Variants in ZPLD1 observed in about 807,000 individuals in gnomAD.
The protein encoded by ZPLD1 is zona pellucida like domain containing 1, also known as zona pellucida-like domain-containing protein 1.
A neutral mutation model predicts 47.2 loss-of-function variants in ZPLD1; 34 were observed. That is an observed-to-expected ratio of 0.72 (90% CI 0.55 to 0.96). The LOEUF is 0.96. Among genes scored for constraint, ZPLD1 ranks in the 40% least tolerant of loss-of-function variants. The probability of loss-of-function intolerance (pLI) is 0.00; values close to 1 mark genes in which losing one functional copy is unlikely to be tolerated. For missense variants in ZPLD1, 512 were observed against 505.8 expected (o/e 1.01, Z -0.12); for synonymous variants, 176 against 186.2 (o/e 0.95, Z 0.45).
chr3:102,418,456 G>A (rs1204900861), intron 8 of ZPLD1, among the ~76,000 whole-genome samples: 1 of 151,932 alleles, frequency 6.6e-6, no homozygotes, highest in Non-Finnish European at 1.5e-5. Context: ...AAACAAAATT[G>A]TATTTTGTAA....
rs932131313 is a variant in ZPLD1 at position 102,422,754 on chromosome 3, G to T, written c.-9+4547G>T. Among the ~76,000 whole-genome samples the T allele has an allele frequency of 3.3e-5, 5 of 152,054 alleles. No homozygotes were observed. In the South Asian group the frequency reaches 8.3e-4, roughly 25 times the overall value. On this transcript the variant is annotated intron_variant, in intron 8 of 17. Coordinates refer to the ZPLD1 transcript ENST00000491959. ...TTATTGAATTTGGGAACTGTAGCAA[G>T]TCTAGAGTGGATATGATGGGCATAG...
intron 7 of ZPLD1, among the ~76,000 whole-genome samples, chr3:102,412,644 T>C (rs866087512): frequency 9.2e-5 from 14 of 151,870 alleles, no homozygotes; most frequent in Middle Eastern, 3.4e-3. Context: ...AATAAGTAAC[T>C]ATAACAGAAA....
intron 7 of ZPLD1, 69 bp from the exon 8 acceptor site, chr3:102,464,102 C>T (rs771311409): frequency 9.6e-7 from 1 of 1,036,638 alleles, no homozygotes; most frequent in Non-Finnish European, 1.5e-6. Flanking sequence ...TATTTACTTC[C>T]CTTGTATTAG....
chr3:102,463,940 C>T (rs1707549741), intron 7 of ZPLD1, among the ~76,000 whole-genome samples: 1 of 150,812 alleles, frequency 6.6e-6, no homozygotes, highest in Non-Finnish European at 1.5e-5. Flanking sequence ...GTCCCAGCTA[C>T]TCGGGAGGCT....
At chr3:102,434,929 C>A (rs1707064042), upstream of ZPLD1, 8 of 594,364 alleles carry the variant, frequency 1.3e-5, no homozygotes, top group Non-Finnish European at 2.4e-5. Context: ...ATAACCAGAT[C>A]AGAGCTAAAA....
At chr3:102,442,885 A>G (rs1475211794) in intron 3 of ZPLD1, among the ~76,000 whole-genome samples, 2 of 152,216 alleles carry the variant, frequency 1.3e-5, no homozygotes, top group East Asian at 1.9e-4. Flanking sequence ...ACTCTTGGTT[A>G]TCCAAGCTAA....
Position 102,464,253 on chromosome 3 carries a change from TAA to T in ZPLD1, c.761+3_761+4del. On this transcript the variant is annotated splice_donor_region_variant and intron_variant, in intron 8 of 11. Coordinates refer to ENST00000466937, the MANE Select transcript of ZPLD1 (RefSeq NM_001329788.2). Reference sequence around the variant, plus strand: ...CATTCGATATGATCTTTTCCTTAGGTAAGACTTAGCTGTCTAAGTATTATATT... The same window carrying T: ...CATTCGATATGATCTTTTCCTTAGGTGACTTAGCTGTCTAAGTATTATATT... The T allele has an allele frequency of 6.2e-7, 1 of 1,605,086 alleles. No homozygotes were observed. Among genetic ancestry groups the T allele is most frequent in the Non-Finnish European group, 8.5e-7 (1 of 1,171,978 alleles).
intron 7 of ZPLD1, among the ~76,000 whole-genome samples, chr3:102,410,263 A>T (rs1453334899): frequency 6.6e-6 from 1 of 151,728 alleles, no homozygotes; most frequent in African/African-American, 2.4e-5. Flanking sequence ...CCCTGAGGAC[A>T]TTTTACTTTT....
intron 8 of ZPLD1, among the ~76,000 whole-genome samples, chr3:102,423,830 G>T (rs923065135): frequency 1.3e-5 from 2 of 152,122 alleles, no homozygotes; most frequent in Non-Finnish European, 2.9e-5. Context: ...CTCTGTAATT[G>T]ATTGGTTAAC....
chr3:102,471,160 G>T (rs567597189), intron 10 of ZPLD1, among the ~76,000 whole-genome samples: 1 of 152,244 alleles, frequency 6.6e-6, no homozygotes, highest in African/African-American at 2.4e-5. Context: ...ATTTGAGTGC[G>T]CTGCAGCCTC....
intron 6 of ZPLD1, among the ~76,000 whole-genome samples, chr3:102,388,455 C>CTCTG (rs1252354867): frequency 7.4e-6 from 1 of 135,410 alleles, no homozygotes; most frequent in African/African-American, 2.7e-5. Context: ...CTCTCTCTGT[C>CTCTG]TGTGTGTGTG....
chr3:102,442,887 C>A (rs74366845), intron 3 of ZPLD1, among the ~76,000 whole-genome samples: 22,224 of 152,064 alleles, frequency 0.15, 2,075 homozygotes, highest in Middle Eastern at 0.24. Context: ...TCTTGGTTAT[C>A]CAAGCTAATA....
chr3:102,453,044 C>G lies in ZPLD1; in HGVS notation c.232C>G (p.His78Asp), dbSNP rs1289076308. ...ACTGAATGGAAGGCATGGGGACTCC[C>G]ACTGCAGAGGGTTCATCAATAACAA... ...LALNGRHGDSHCRGFINNNTF... is the reference protein window; with the variant it reads ...LALNGRHGDSDCRGFINNNTF... The change falls in exon 4 of 12, where the codon CAC (histidine) becomes GAC (aspartate). Residue 78 changes from histidine to aspartate, a missense_variant. Physicochemically the swap from His to Asp is moderately conservative, Grantham distance 81. Transcript: ENST00000466937. 3 of 1,613,952 alleles carry G rather than the reference C, an allele frequency of 1.9e-6. No individual in the cohort carries two copies. In the Admixed American group the frequency reaches 5.0e-5, roughly 27 times the overall value.
At chr3:102,448,255 A>G (rs1428734326) in intron 3 of ZPLD1, among the ~76,000 whole-genome samples, 1 of 152,224 alleles carries the variant, frequency 6.6e-6, no homozygotes. Flanking sequence ...AGTATCTTTA[A>G]GCATAAAACA....
intron 6 of ZPLD1, among the ~76,000 whole-genome samples, chr3:102,458,859 G>T (rs1707460112): frequency 6.6e-6 from 1 of 152,058 alleles, no homozygotes; most frequent in Non-Finnish European, 1.5e-5. Flanking sequence ...GGAGGCCGAG[G>T]CGGGTGGATC....
intron 7 of ZPLD1, among the ~76,000 whole-genome samples, chr3:102,402,258 A>G (rs1288777733): frequency 6.6e-6 from 1 of 151,994 alleles, no homozygotes; most frequent in Non-Finnish European, 1.5e-5. Flanking sequence ...AAAAAATTTT[A>G]AATCACTTAA....
intron 8 of ZPLD1, among the ~76,000 whole-genome samples, chr3:102,424,565 C>T (rs990017475): frequency 6.6e-6 from 1 of 152,152 alleles, no homozygotes; most frequent in Non-Finnish European, 1.5e-5. Context: ...GCTACTTCTG[C>T]GAACCCAATC....
intron 7 of ZPLD1, among the ~76,000 whole-genome samples, chr3:102,397,384 G>A (rs1310879439): frequency 8.4e-6 from 1 of 118,458 alleles, no homozygotes; most frequent in Non-Finnish European, 1.8e-5. Flanking sequence ...ATCTTAATTG[G>A]GTAGACTTAG....
chr3:102,457,303 C>G (rs966137137), intron 5 of ZPLD1, among the ~76,000 whole-genome samples: 4 of 152,196 alleles, frequency 2.6e-5, no homozygotes, highest in African/African-American at 9.7e-5. Flanking sequence ...AGGGAAGCAT[C>G]TCTCACTCTG....
Sources: gnomAD v4.1 joint callset for allele counts (sites outside exome capture counted in the v4.1 genomes callset) on GRCh38, gnomAD v4.1.1 for gene constraint, MANE v1.5 for transcripts, NCBI Gene and HGNC (gene_info 2026-07-23, HGNC 2026-07-21) for gene names.